FRMD4A: variants seen among roughly 807,000 people sequenced by gnomAD.
FRMD4A encodes the protein FERM domain-containing protein 4A.
Under a neutral mutation model 129.1 loss-of-function variants are expected in FRMD4A, and 29 were observed. The observed-to-expected ratio is 0.22, with a 90% CI of 0.17 to 0.31. The LOEUF is 0.31. FRMD4A is among the 10% of genes least tolerant of loss of function. The probability of loss-of-function intolerance (pLI) is 1.00; values close to 1 mark genes in which losing one functional copy is unlikely to be tolerated. For synonymous variants in FRMD4A, 634 were observed against 571.6 expected (o/e 1.11, Z -1.56); for missense variants, 1,272 against 1,375.8 (o/e 0.92, Z 1.19).
chr10:13,778,187 G>T (rs973941850), intron 6 of FRMD4A, among the ~76,000 whole-genome samples: 1 of 151,982 alleles, frequency 6.6e-6, no homozygotes, highest in Non-Finnish European at 1.5e-5. Context: ...GGTGGAGACT[G>T]CTCACCTTTC....
rs2081127137 is a variant in FRMD4A, at chr10:13,646,520, TG to T, written c.*517del. On this transcript the variant is annotated 3_prime_UTR_variant, in exon 25 of 25. Transcript: ENST00000357447. Reference sequence around the variant, plus strand: ...ATGAAGTGCTTGGTTGGCCTACGTATGGGTGGCAGGCTGGACACAGCTGAAT... The same window carrying T: ...ATGAAGTGCTTGGTTGGCCTACGTATGGTGGCAGGCTGGACACAGCTGAAT... The T allele has an allele frequency of 6.6e-6, 1 of 152,298 alleles. No homozygotes were observed. The highest frequency in any genetic ancestry group is 2.4e-5 in the African/African-American group (1 of 41,454). 9.4% of individuals were successfully genotyped at this position (152,298 alleles called of 1,614,324 possible).
intron 5 of FRMD4A, among the ~76,000 whole-genome samples, chr10:13,793,181 T>TC (rs2130815053): frequency 6.6e-6 from 1 of 151,990 alleles, no homozygotes; most frequent in East Asian, 1.9e-4. Flanking sequence ...TCTTTTTTTT[T>TC]TTTTTTGTGA....
chr10:14,087,069 C>T (rs937713555), intron 2 of FRMD4A, among the ~76,000 whole-genome samples: 3 of 151,890 alleles, frequency 2.0e-5, no homozygotes, highest in Admixed American at 6.6e-5. Context: ...CTGGAAACTG[C>T]CAGGGCAAAT....
rs759611300 is a variant in FRMD4A at position 13,852,490 on chromosome 10, TG to T, written c.111+6356del. 6.6e-5 allele frequency among the ~76,000 whole-genome samples: 10 copies of T among 152,282 alleles called. No homozygotes were observed. In the East Asian group the frequency reaches 9.7e-4, roughly 15 times the overall value. On this transcript the variant is annotated intron_variant, in intron 3 of 24. Transcript: ENST00000357447. Reference sequence around the variant, plus strand: ...TGCCCACCTCAGCCTCCCAAAGTGCTGGGATTACAGGCATGAGCCACCACAC... The same window carrying T: ...TGCCCACCTCAGCCTCCCAAAGTGCTGGATTACAGGCATGAGCCACCACAC...
intron 2 of FRMD4A, among the ~76,000 whole-genome samples, chr10:14,104,001 G>A (rs1327005): frequency 0.36 from 55,404 of 152,036 alleles, 11,025 homozygotes; most frequent in East Asian, 0.53. Context: ...TAAGGTACCA[G>A]GTCCTCCTTG....
At chr10:13,910,822 G>A (rs771044043) in intron 2 of FRMD4A, among the ~76,000 whole-genome samples, 5 of 142,558 alleles carry the variant, frequency 3.5e-5, no homozygotes, top group East Asian at 2.0e-4. Context: ...ATTTTGCCCC[G>A]TGCATGTACC....
chr10:13,975,240 C>T (rs1424210405), intron 2 of FRMD4A, among the ~76,000 whole-genome samples: 1 of 144,056 alleles, frequency 6.9e-6, no homozygotes, highest in African/African-American at 2.6e-5. Context: ...TGTGTGTGTG[C>T]CTATCTCTGA....
At chr10:13,699,599 C>T (rs2086607819) in intron 14 of FRMD4A, among the ~76,000 whole-genome samples, 1 of 152,190 alleles carries the variant, frequency 6.6e-6, no homozygotes, top group Admixed American at 6.5e-5. Context: ...GGGCGAGATA[C>T]ACCTTTTCCT....
intron 2 of FRMD4A, among the ~76,000 whole-genome samples, chr10:14,249,812 TG>T (rs1225439930): frequency 1.3e-5 from 2 of 152,126 alleles, no homozygotes. Context: ...AAATCCTAAG[TG>T]GAAAAAACGA....
chr10:14,239,966 A>C (rs1843982860), intron 2 of FRMD4A, among the ~76,000 whole-genome samples: 2 of 152,202 alleles, frequency 1.3e-5, no homozygotes, highest in Admixed American at 1.3e-4. Flanking sequence ...GGTCCTTTGC[A>C]CCTCAGAAAG....
At chr10:13,665,653 T>C (rs192639245) in intron 18 of FRMD4A, among the ~76,000 whole-genome samples, 17 of 152,270 alleles carry the variant, frequency 1.1e-4, no homozygotes, top group African/African-American at 4.1e-4. Context: ...CCTGGCAGCA[T>C]AGGGGTCAGT....
At chr10:13,972,432 G>T in intron 2 of FRMD4A, 1 of 407,382 alleles carries the variant, frequency 2.5e-6, no homozygotes, top group Non-Finnish European at 3.3e-6. Flanking sequence ...CCCAAGTTTA[G>T]GTTGGGATTG....
intron 3 of FRMD4A, among the ~76,000 whole-genome samples, 195 bp from the exon 4 acceptor site, chr10:13,811,103 A>G (rs2093436573): frequency 6.6e-6 from 1 of 152,002 alleles, no homozygotes; most frequent in African/African-American, 2.4e-5. Flanking sequence ...GGTCATCAAC[A>G]GATAGAGACC....
At chr10:14,111,653 A>C (rs990383734) in intron 2 of FRMD4A, among the ~76,000 whole-genome samples, 2 of 152,186 alleles carry the variant, frequency 1.3e-5, no homozygotes, top group Non-Finnish European at 2.9e-5. Context: ...AATGTCTATG[A>C]AACCTACCTA....
chr10:14,303,329 T>C (rs1239052704), intron 2 of FRMD4A, among the ~76,000 whole-genome samples: 3 of 152,102 alleles, frequency 2.0e-5, no homozygotes, highest in Non-Finnish European at 4.4e-5. Flanking sequence ...ATTCAATGGG[T>C]CGGGGTGAGA....
chr10:14,286,335 G>A (rs1221553232), intron 2 of FRMD4A, among the ~76,000 whole-genome samples: 4 of 152,142 alleles, frequency 2.6e-5, no homozygotes, highest in African/African-American at 4.8e-5. Context: ...TGGAAGCATG[G>A]GAAGGACGAG....
intron 2 of FRMD4A, among the ~76,000 whole-genome samples, chr10:13,880,464 C>T (rs1213984553): frequency 6.6e-6 from 1 of 152,214 alleles, no homozygotes; most frequent in Non-Finnish European, 1.5e-5. Context: ...CAACTCTGCC[C>T]ACCTTGCAAT....
In FRMD4A at chr10:13,933,217, G is replaced by C. The variant is rs561688992; in HGVS notation, c.46-74305C>G. 7.2e-5 allele frequency among the ~76,000 whole-genome samples: 11 copies of C among 152,200 alleles called. 1 individual carries two copies. The highest frequency in any genetic ancestry group is 2.6e-4 in the African/African-American group (11 of 41,538). The stretch of plus-strand genomic sequence containing the variant: ...AGGGTCTGGAGGCAGGGAACATAAA[G>C]CGGATGAACACTTCAGCTATGACAG... On this transcript the variant is annotated intron_variant, in intron 2 of 24. Transcript: ENST00000357447.
chr10:13,793,599 C>T (rs1215625011), intron 5 of FRMD4A, among the ~76,000 whole-genome samples: 1 of 152,122 alleles, frequency 6.6e-6, no homozygotes, highest in African/African-American at 2.4e-5. Flanking sequence ...AGTCAGGCTG[C>T]GTCAAGATAT....
Sources: gnomAD v4.1 joint callset for allele counts (sites outside exome capture counted in the v4.1 genomes callset) on GRCh38, gnomAD v4.1.1 for gene constraint, MANE v1.5 for transcripts, NCBI Gene and HGNC (gene_info 2026-07-23, HGNC 2026-07-21) for gene names.